Variants in GPC3 observed in about 807,000 individuals in gnomAD.
The protein encoded by GPC3 is glypican 3, also known as glypican-3.
Under a neutral mutation model 34.4 loss-of-function variants are expected in GPC3, and 3 were observed. The ratio of observed to expected loss-of-function variants is 0.09; its 90% CI spans 0.04 to 0.23. GPC3 has a LOEUF of 0.23. Among genes scored for constraint, GPC3 ranks in the 10% least tolerant of loss-of-function variants. The pLI is 1.00. For missense variants in GPC3, 351 were observed against 445.6 expected (o/e 0.79, Z 1.91); for synonymous variants, 177 against 174.0 (o/e 1.02, Z -0.13).
intron 1 of GPC3, among the ~76,000 whole-genome samples, chrX:133,974,038 TTTTTGTTTTGTTTTG>T (rs369459584): frequency 1.8e-5 from 2 of 111,719 alleles, no homozygotes; most frequent in African/African-American, 3.3e-5. Context: ...TTCAGCGTTT[TTTTTGTTTTGTTTTG>T]TTTTGTTTTG....
chrX:133,762,569 C>T (rs1159211175), intron 2 of GPC3, among the ~76,000 whole-genome samples: 1 of 111,828 alleles, frequency 8.9e-6, no homozygotes, highest in Admixed American at 9.5e-5. Context: ...ACACACACTT[C>T]TCAAAAGAAG....
chrX:133,780,247 C>T (rs1460768826), intron 2 of GPC3, among the ~76,000 whole-genome samples: 3 of 111,626 alleles, frequency 2.7e-5, no homozygotes, highest in African/African-American at 9.8e-5. Context: ...TATTACAGCT[C>T]GTTTCTCTTT....
chrX:133,696,564 C>T (rs2071120020), intron 4 of GPC3, among the ~76,000 whole-genome samples: 1 of 112,412 alleles, frequency 8.9e-6, no homozygotes, highest in South Asian at 3.7e-4. Context: ...AACTAAGTGA[C>T]ATGTTAATTA....
At chrX:133,815,076 G>A (rs1040638301) in intron 2 of GPC3, among the ~76,000 whole-genome samples, 1 of 110,214 alleles carries the variant, frequency 9.1e-6, no homozygotes, top group Non-Finnish European at 1.9e-5. Context: ...TTTCCAATGG[G>A]GAAAAAAAGT....
intron 1 of GPC3, among the ~76,000 whole-genome samples, chrX:133,979,397 T>C (rs1235298946): frequency 8.9e-6 from 1 of 112,132 alleles, no homozygotes; most frequent in African/African-American, 3.2e-5. Context: ...GAAAAATGAA[T>C]CTCTTAGTAA....
chrX:133,564,539 G>A (rs915217985), intron 7 of GPC3, among the ~76,000 whole-genome samples: 2 of 111,807 alleles, frequency 1.8e-5, no homozygotes, highest in African/African-American at 6.5e-5. Context: ...AGTGAGAGAG[G>A]TGGGTGGTGT....
intron 2 of GPC3, among the ~76,000 whole-genome samples, chrX:133,905,573 C>T (rs769459043): frequency 8.9e-6 from 1 of 112,307 alleles, no homozygotes; most frequent in South Asian, 3.7e-4. Context: ...TCTCAGTCAA[C>T]TGAATCTGCA....
chrX:133,649,270 G>A (rs35151260), intron 6 of GPC3, among the ~76,000 whole-genome samples: 6 of 71,171 alleles, frequency 8.4e-5, no homozygotes, highest in Admixed American at 4.3e-4. Context: ...ATATATATAT[G>A]TGTGTGTGTG....
intron 2 of GPC3, among the ~76,000 whole-genome samples, chrX:133,793,545 A>T (rs1301332646): frequency 1.8e-5 from 2 of 111,547 alleles, no homozygotes; most frequent in African/African-American, 6.5e-5. Flanking sequence ...CTAAGTCACC[A>T]AACCCAGAAA....
At chrX:133,938,528 A>T (rs769959310) in intron 2 of GPC3, among the ~76,000 whole-genome samples, 139 of 112,111 alleles carry the variant, frequency 1.2e-3, no homozygotes, top group African/African-American at 4.4e-3. Context: ...CAAGCAAGTT[A>T]AACATGACTT....
Position 133,699,902 on chromosome X carries a change from G to A in GPC3, c.1159C>T (p.Arg387Ter), listed in dbSNP as rs122453121. Residue 387 changes from arginine to a stop codon, truncating the protein, a stop_gained, in exon 4 of 8, where the codon CGA becomes TGA. Coordinates refer to ENST00000370818, the MANE Select transcript of GPC3 (RefSeq NM_004484.4). LOFTEE classifies it high-confidence loss of function. ...HVEHEETLSS[R>*]RRELIQKLKS... Reference sequence around the variant, plus strand: ...AAAAAAGAAACCTCTCACCTTCTTCGGCTGGATAAGGTTTCTTCATGTTCT... The same window carrying A: ...AAAAAAGAAACCTCTCACCTTCTTCAGCTGGATAAGGTTTCTTCATGTTCT... 8.3e-7 allele frequency: 1 copy of A among 1,202,242 alleles called. No homozygotes were observed. Among genetic ancestry groups the A allele is most frequent in the Non-Finnish European group, 1.1e-6 (1 of 889,179 alleles).
intron 2 of GPC3, among the ~76,000 whole-genome samples, chrX:133,772,181 T>C (rs2071929470): frequency 8.9e-6 from 1 of 112,054 alleles, no homozygotes; most frequent in South Asian, 3.8e-4. Context: ...CATCGCTCAA[T>C]GCTTGTTAGA....
intron 4 of GPC3, among the ~76,000 whole-genome samples, chrX:133,696,569 T>G (rs1011816772): frequency 1.8e-5 from 2 of 112,635 alleles, no homozygotes; most frequent in Admixed American, 1.9e-4. Flanking sequence ...AGTGACATGT[T>G]AATTACCCAT....
At chrX:133,923,902 C>CA (rs1258638639) in intron 2 of GPC3, among the ~76,000 whole-genome samples, 6 of 111,938 alleles carry the variant, frequency 5.4e-5, no homozygotes, top group Non-Finnish European at 1.1e-4. Context: ...TTGACACTGA[C>CA]AAATGCCAGG....
At chrX:133,683,358 A>G (rs753012713) in intron 5 of GPC3, among the ~76,000 whole-genome samples, 11 of 112,302 alleles carry the variant, frequency 9.8e-5, no homozygotes, top group Non-Finnish European at 1.7e-4. Context: ...CTTCCAGGCT[A>G]AAATAGAAGA....
intron 7 of GPC3, among the ~76,000 whole-genome samples, chrX:133,574,576 G>A (rs2069661027): frequency 8.9e-6 from 1 of 111,953 alleles, no homozygotes; most frequent in Admixed American, 9.5e-5. Context: ...TTCAGCTAAG[G>A]TTGTAGGTTT....
chrX:133,607,384 C>T (rs907523700), intron 6 of GPC3, among the ~76,000 whole-genome samples: 2 of 111,077 alleles, frequency 1.8e-5, no homozygotes, highest in Non-Finnish European at 1.9e-5. Flanking sequence ...AATGAATGAA[C>T]CAATGGGTTA....
At chrX:133,935,310 A>G (rs1303427111) in intron 2 of GPC3, among the ~76,000 whole-genome samples, 1 of 112,258 alleles carries the variant, frequency 8.9e-6, no homozygotes, top group Non-Finnish European at 1.9e-5. Flanking sequence ...TGTAAGTACA[A>G]AGGCACATTT....
intron 6 of GPC3, among the ~76,000 whole-genome samples, 162 bp downstream of exon 6, chrX:133,661,558 ATATCTCTCTT>A (rs372146931): frequency 4.0e-5 from 3 of 74,195 alleles, no homozygotes; most frequent in African/African-American, 1.7e-4. Flanking sequence ...GAAGCTGGCT[ATATCTCTCTT>A]TCTCTCTCTC....
Sources: gnomAD v4.1 joint callset for allele counts (sites outside exome capture counted in the v4.1 genomes callset) on GRCh38, gnomAD v4.1.1 for gene constraint, MANE v1.5 for transcripts, NCBI Gene and HGNC (gene_info 2026-07-23, HGNC 2026-07-21) for gene names.